FGD4: variants seen among roughly 807,000 people sequenced by gnomAD.
FGD4 encodes FYVE, RhoGEF and PH domain containing 4.
A neutral mutation model predicts 102.0 loss-of-function variants in FGD4; 42 were observed. The ratio of observed to expected loss-of-function variants is 0.41; its 90% CI spans 0.32 to 0.53. The LOEUF is 0.53. Ranked by LOEUF, FGD4 falls within the 20% of genes least tolerant of loss-of-function variation. FGD4 has a pLI of 0.21. For synonymous variants in FGD4, 380 were observed against 375.7 expected, an observed-to-expected ratio of 1.01 and a Z score of -0.13; for missense variants, 902 against 1,078.2, an observed-to-expected ratio of 0.84 and a Z score of 2.29.
rs188262716 is a variant in FGD4, at chr12:32,569,864, T to C, written c.319+5575T>C. On this transcript the variant is annotated intron_variant, in intron 2 of 16. Transcript: ENST00000534526. ...TATTTTCTAAATGCTGAATTCTTAG[T>C]GGTTTTATAAATTTATACTGTCATC... Among the ~76,000 whole-genome samples, 191 of 151,972 alleles carry C rather than the reference T, an allele frequency of 1.3e-3. 1 individual carries two copies. Among genetic ancestry groups the C allele is most frequent in the African/African-American group, 4.6e-3 (188 of 41,300 alleles).
At chr12:32,534,403 A>G (rs1942060364) in intron 1 of FGD4, 4 of 1,503,520 alleles carry the variant, frequency 2.7e-6, no homozygotes, top group Non-Finnish European at 3.5e-6. Flanking sequence ...GTGAGATTTT[A>G]TCACATGAAC....
chr12:32,588,751 G>C (rs1046271564), intron 4 of FGD4, among the ~76,000 whole-genome samples: 2 of 152,214 alleles, frequency 1.3e-5, no homozygotes, highest in African/African-American at 2.4e-5. Flanking sequence ...AATTAGCCAG[G>C]ATCAGCAAGT....
At chr12:32,476,065 T>C (rs1012267949) in intron 1 of FGD4, among the ~76,000 whole-genome samples, 1 of 152,202 alleles carries the variant, frequency 6.6e-6, no homozygotes, top group Non-Finnish European at 1.5e-5. Context: ...CATGAGTTCA[T>C]TAGGTACCCT....
At chr12:32,605,030 C>T (rs1478385100) in intron 7 of FGD4, among the ~76,000 whole-genome samples, 1 of 144,750 alleles carries the variant, frequency 6.9e-6, no homozygotes, top group African/African-American at 2.7e-5. Flanking sequence ...CCTCTGCCTC[C>T]TGGGTTCAAG....
Position 32,623,899 on chromosome 12 carries a change from A to T in FGD4, c.1923-523A>T, listed in dbSNP as rs529612829. On this transcript the variant is annotated intron_variant, in intron 11 of 16. Transcript: ENST00000534526. ...AATTTTTATATGCTTTTCTTTATCT[A>T]AAATGGGGTTAGGTTTGGTATTGCC... Among the ~76,000 whole-genome samples the T allele has an allele frequency of 2.3e-4, 35 of 152,326 alleles. No individual in the cohort carries two copies. The South Asian group carries it at 7.0e-3, about 31-fold the overall frequency.
intron 1 of FGD4, among the ~76,000 whole-genome samples, chr12:32,537,991 G>A (rs1237302164): frequency 6.6e-6 from 1 of 152,114 alleles, no homozygotes; most frequent in East Asian, 1.9e-4. Context: ...TGCCTCTCAG[G>A]CTGAAACGAT....
rs58538152 is a variant in FGD4 at position 32,595,029 on chromosome 12, T to TA, written c.1012-3451dup. Among the ~76,000 whole-genome samples the TA allele has an allele frequency of 5.1e-3, 676 of 133,422 alleles. 3 individuals are homozygous for TA. Among genetic ancestry groups the TA allele is most frequent in the African/African-American group, 8.7e-3 (327 of 37,518 alleles). The allele number at this position is 133,422 out of a possible 152,430, so 87.5% of individuals were successfully genotyped here. A position where few individuals can be genotyped will look rare whatever the true frequency, so the allele number is the denominator to read the frequency against. ...CTGGGTGACAGAGCGAGACTCCGTCTAAAAAAAAAAAAAAAAACAACACAG... is the reference window on the plus strand; with the variant it reads ...CTGGGTGACAGAGCGAGACTCCGTCTAAAAAAAAAAAAAAAAAACAACACAG... On this transcript the variant is annotated intron_variant, in intron 4 of 16. Coordinates refer to ENST00000534526, the MANE Select transcript of FGD4 (RefSeq NM_001370298.3).
intron 4 of FGD4, among the ~76,000 whole-genome samples, chr12:32,594,955 C>T (rs1410972631): frequency 3.3e-5 from 5 of 150,856 alleles, no homozygotes; most frequent in Non-Finnish European, 5.9e-5. Context: ...TGCTTGAACC[C>T]GGTAGGCAGA....
chr12:32,427,550 G>A (rs1419365285), intron 1 of FGD4, among the ~76,000 whole-genome samples: 1 of 152,114 alleles, frequency 6.6e-6, no homozygotes, highest in African/African-American at 2.4e-5. Flanking sequence ...TGTTGATTTG[G>A]GGTAGAGAGT....
intron 1 of FGD4, among the ~76,000 whole-genome samples, chr12:32,442,362 T>C (rs533416938): frequency 3.9e-5 from 6 of 152,150 alleles, no homozygotes; most frequent in African/African-American, 1.4e-4. Flanking sequence ...CAGGACTGTT[T>C]TTTCTGTCTC....
At chr12:32,461,951 T>G (rs1378162120) in intron 1 of FGD4, among the ~76,000 whole-genome samples, 1 of 152,072 alleles carries the variant, frequency 6.6e-6, no homozygotes, top group Non-Finnish European at 1.5e-5. Flanking sequence ...GGTCTTGAAC[T>G]TCTGACCTCG....
chr12:32,423,197 A>C (rs1430389846), intron 1 of FGD4, among the ~76,000 whole-genome samples: 1 of 152,216 alleles, frequency 6.6e-6, no homozygotes, highest in Non-Finnish European at 1.5e-5. Flanking sequence ...GGTGAACCCC[A>C]AAATTGGGAT....
intron 1 of FGD4, among the ~76,000 whole-genome samples, chr12:32,558,348 A>G (rs1944282061): frequency 6.6e-6 from 1 of 152,224 alleles, no homozygotes; most frequent in Admixed American, 6.5e-5. Context: ...CTTCCCTCTT[A>G]AATCCAAGAG....
chr12:32,600,414 T>C, intron 5 of FGD4: 3 of 1,285,846 alleles, frequency 2.3e-6, no homozygotes, highest in South Asian at 2.5e-5. Context: ...CTCAAGAAAA[T>C]AGAGTGGAGG....
At position 32,458,571 on chromosome 12, in the gene FGD4, T is replaced by C. The variant is rs191102191; in HGVS notation, c.166+58612T>C. 3.2e-4 allele frequency among the ~76,000 whole-genome samples: 48 copies of C among 152,324 alleles called. No homozygotes were observed. The East Asian group carries it at 8.3e-3, about 26-fold the overall frequency. The stretch of plus-strand genomic sequence containing the variant: ...GAACTGAACTTAGCTGGTAAATCAA[T>C]ATTTTATTTTATCCCACTGAAACGT... On this transcript the variant is annotated intron_variant, in intron 1 of 16. Transcript: ENST00000534526.
chr12:32,601,132 C>T (rs2136646916), intron 5 of FGD4, 146 bp from the exon 6 acceptor site: 1 of 752,764 alleles, frequency 1.3e-6, no homozygotes, highest in Non-Finnish European at 2.2e-6. Flanking sequence ...CATATACTCA[C>T]TCCTAAATTT....
chr12:32,594,365 G>A (rs751480502), intron 4 of FGD4, among the ~76,000 whole-genome samples: 8 of 152,168 alleles, frequency 5.3e-5, no homozygotes, highest in Non-Finnish European at 8.8e-5. Flanking sequence ...TCTAATGACC[G>A]ATGATCTGTC....
In FGD4 at chr12:32,642,029, TATAGA is replaced by T. The variant is rs1951178499; in HGVS notation, c.*1504_*1508del. ...TAGTATGTAAGGATTACACCTTAGA[TATAGA>T]ATAGAATTTGAGACTGCCACACATT... On this transcript the variant is annotated 3_prime_UTR_variant, in exon 17 of 17. Coordinates refer to ENST00000534526, the MANE Select transcript of FGD4 (RefSeq NM_001370298.3). The T allele has an allele frequency of 6.6e-6, 1 of 152,146 alleles. No individual in the cohort carries two copies. The highest frequency in any genetic ancestry group is 2.1e-4 in the South Asian group (1 of 4,828). The allele number at this position is 152,146 out of a possible 1,614,324, so 9.4% of individuals were successfully genotyped here. A position where few individuals can be genotyped will look rare whatever the true frequency, so the allele number is the denominator to read the frequency against.
chr12:32,451,271 T>G (rs1232153656), intron 1 of FGD4, among the ~76,000 whole-genome samples: 1 of 152,236 alleles, frequency 6.6e-6, no homozygotes, highest in African/African-American at 2.4e-5. Context: ...TTATGCACAT[T>G]ATTATTAGAC....
Sources: allele counts gnomAD v4.1 joint callset (sites outside exome capture counted in the v4.1 genomes callset), GRCh38; gene constraint gnomAD v4.1.1; transcripts MANE v1.5; gene names NCBI Gene and HGNC (gene_info 2026-07-23, HGNC 2026-07-21).